AGAP2: variants seen among roughly 807,000 people sequenced by gnomAD.
AGAP2 encodes the protein arf-GAP with GTPase, ANK repeat and PH domain-containing protein 2.
Under a neutral mutation model 110.9 loss-of-function variants are expected in AGAP2, and 32 were observed. That is an observed-to-expected ratio of 0.29 (90% confidence interval 0.22 to 0.39). The LOEUF (loss-of-function observed/expected upper bound fraction) is 0.39. AGAP2 is among the 10% of genes least tolerant of loss of function. The pLI is 1.00. For missense variants in AGAP2, 1,285 were observed against 1,638.5 expected (o/e 0.78, Z 3.72); for synonymous variants, 702 against 713.0 (o/e 0.98, Z 0.25).
chr12:57,731,476 G>A lies in AGAP2; in HGVS notation c.2041-6C>T. The A allele has an allele frequency of 6.2e-7, 1 of 1,614,018 alleles. No homozygotes were observed. Among genetic ancestry groups the A allele is most frequent in the Non-Finnish European group, 8.5e-7 (1 of 1,179,916 alleles). ...CTTCGTTTTAGTAGGAAGCTCTGGA[G>A]AAAGGGGAAAGACACATGTGGGAAA... is the stretch of plus-strand genomic sequence containing the variant. On this transcript the variant is annotated splice_region_variant and splice_polypyrimidine_tract_variant and intron_variant, in intron 9 of 18. Transcript: ENST00000547588.
intron 13 of AGAP2, among the ~76,000 whole-genome samples, 186 bp downstream of exon 13, chr12:57,729,453 G>T: frequency 6.6e-6 from 1 of 151,356 alleles, no homozygotes; most frequent in East Asian, 1.9e-4. Context: ...ATTAGCTGGG[G>T]AACAAGGAAA....
upstream of AGAP2, among the ~76,000 whole-genome samples, chr12:57,741,331 A>T (rs1267585749): frequency 6.6e-6 from 1 of 152,046 alleles, no homozygotes; most frequent in Non-Finnish European, 1.5e-5. Context: ...AGGGGAGGAG[A>T]GGGGACCAAG....
rs1027621331 is a variant in AGAP2 at position 57,732,749 on chromosome 12, G to T, written c.1684+96C>A. On this transcript the variant is annotated intron_variant, in intron 6 of 18. Transcript: ENST00000547588. ...TCCCTCCCACAAAGGCTAATTTCCT[G>T]TCACTCACAGAGAGAGGCCTGGATG... The T allele has an allele frequency of 3.8e-6, 6 of 1,558,810 alleles. No homozygotes were observed. In the African/African-American group the frequency reaches 8.2e-5, roughly 21 times the overall value.
At chr12:57,727,853 G>A (rs545671853) in intron 15 of AGAP2, 82 bp from the exon 16 acceptor site, 22 of 1,594,486 alleles carry the variant, frequency 1.4e-5, no homozygotes, top group Non-Finnish European at 1.7e-5. Context: ...CCTCTCACAC[G>A]ACTTCGGCCG....
intron 3 of AGAP2, 90 bp from the exon 4 acceptor site, chr12:57,734,494 C>T (rs1238520332): frequency 6.3e-7 from 1 of 1,587,494 alleles, no homozygotes. Context: ...ATTATGGCCT[C>T]ATCCTTCCCC....
At chr12:57,735,505 T>C in intron 1 of AGAP2, 78 bp from the exon 2 acceptor site, 1 of 1,361,536 alleles carries the variant, frequency 7.3e-7, no homozygotes, top group Non-Finnish European at 1.0e-6. Context: ...CCCTCCTCCC[T>C]CTGCAGCTTT....
rs1229292357 is a variant in AGAP2, at chr12:57,737,122, G to A, written c.1125C>T (p.Ser375=). The A allele has an allele frequency of 6.4e-7, 1 of 1,566,488 alleles. No homozygotes were observed. The highest frequency in any genetic ancestry group is 8.6e-7 in the Non-Finnish European group (1 of 1,156,464). ...LPGPPSLSSG[S]GSRELLGAEL... is the part of the protein sequence containing the mutation. ...CGGCGCCCAGCAGCTCCCTGGACCC[G>A]CTGCCAGAAGACAGGCTGGGGGGTC... The change falls in exon 1 of 19, where the codon AGC becomes AGT. Residue 375 remains serine (S), a synonymous_variant. Coordinates refer to ENST00000547588, the MANE Select transcript of AGAP2 (RefSeq NM_001122772.3). The surrounding 1 kb of genome is among the most constrained non-coding windows in gnomAD (Gnocchi z 5.9).
Position 57,734,629 on chromosome 12 carries a change from G to A in AGAP2, c.1278C>T (p.Phe426=), listed in dbSNP as rs1954946732. The stretch of plus-strand genomic sequence containing the variant: ...CCAGCACCTGGTATGAGCCAGTCAG[G>A]AATCGGTGGATGAGCGATGACTTCC... The part of the protein sequence containing the change: ...RSGKSSLIHR[F]LTGSYQVLEK... Residue 426 remains phenylalanine (F), a synonymous_variant, in exon 3 of 19, where the codon TTC becomes TTT. Transcript: ENST00000547588. 6.2e-7 allele frequency: 1 copy of A among 1,614,058 alleles called. No individual in the cohort carries two copies.
chr12:57,737,085 A>T lies in AGAP2; in HGVS notation c.1162T>A (p.Ser388Thr). 6.5e-7 allele frequency: 1 copy of T among 1,533,758 alleles called. No homozygotes were observed. Among genetic ancestry groups the T allele is most frequent in the Admixed American group, 2.1e-5 (1 of 48,252 alleles). Residue 388 changes from serine (S) to threonine (T), a missense_variant, in exon 1 of 19, where the codon TCC becomes ACC. This residue lies in a region of AGAP2 where 844 missense variants were observed against 941.2 expected (regional missense o/e 0.90). Transcript: ENST00000547588. The surrounding 1 kb of genome is among the most constrained non-coding windows in gnomAD (Gnocchi z 5.9). ...AAGCCCTGACTCAACTCACTAGGGGAAGCGCGGAGCTCGGCGCCCAGCAGC... is the reference window on the plus strand; with the variant it reads ...AAGCCCTGACTCAACTCACTAGGGGTAGCGCGGAGCTCGGCGCCCAGCAGC... ...RELLGAELRA[S>T]PKAVINSQEW... is the part of the protein sequence containing the mutation.
intron 13 of AGAP2, among the ~76,000 whole-genome samples, chr12:57,729,105 G>C (rs1400979533): frequency 6.6e-6 from 1 of 150,568 alleles, no homozygotes; most frequent in Non-Finnish European, 1.5e-5. Flanking sequence ...GAACCCGGGA[G>C]GCAGAGCTTG....
At chr12:57,741,296 T>C (rs2140372358), upstream of AGAP2, among the ~76,000 whole-genome samples, 1 of 151,984 alleles carries the variant, frequency 6.6e-6, no homozygotes, top group South Asian at 2.1e-4. Context: ...GGAAGGTGTG[T>C]GGGGGGAAGA....
At chr12:57,735,281 G>T (rs1954958110) in intron 2 of AGAP2, 88 bp downstream of exon 2, 2 of 1,227,722 alleles carry the variant, frequency 1.6e-6, no homozygotes, top group Non-Finnish European at 2.4e-6. Flanking sequence ...GAGAGAGAGA[G>T]AGAGAAGGAG....
At chr12:57,728,209 G>C in intron 14 of AGAP2, 109 bp downstream of exon 14, 1 of 1,511,666 alleles carries the variant, frequency 6.6e-7, no homozygotes, top group Non-Finnish European at 9.0e-7. Flanking sequence ...GGTAGGGAAA[G>C]CAGAGGGTGG....
upstream of AGAP2, chr12:57,742,023 TGAC>T: frequency 4.3e-6 from 7 of 1,614,188 alleles, no homozygotes; most frequent in Non-Finnish European, 5.9e-6. Context: ...TCATGTCGTC[TGAC>T]TTCTGCTCTC....
At chr12:57,739,546 C>T (rs1258279484), upstream of AGAP2, among the ~76,000 whole-genome samples, 1 of 152,174 alleles carries the variant, frequency 6.6e-6, no homozygotes, top group Non-Finnish European at 1.5e-5. Flanking sequence ...AAGTCAAAGG[C>T]TCCAGCTCTA....
chr12:57,731,264 G>T, intron 10 of AGAP2, 102 bp downstream of exon 10: 2 of 1,010,006 alleles, frequency 2.0e-6, no homozygotes, highest in Non-Finnish European at 3.1e-6. Flanking sequence ...AAGAGGACTA[G>T]CACTTCCTAG....
chr12:57,731,891 C>A lies in AGAP2; in HGVS notation c.1871G>T (p.Arg624Leu). 1 of 1,612,144 alleles carries A rather than the reference C, an allele frequency of 6.2e-7. No homozygotes were observed. Among genetic ancestry groups the A allele is most frequent in the African/African-American group, 1.3e-5 (1 of 74,968 alleles). ...SSPNVGHREL[R>L]AEAAAVAGLS... Reference sequence around the variant, plus strand: ...TCCAGCCACTGCAGCTGCCTCGGCTCGGAGCTCCCGGTGACCAACATTCGG... The same window carrying A: ...TCCAGCCACTGCAGCTGCCTCGGCTAGGAGCTCCCGGTGACCAACATTCGG... The change falls in exon 8 of 19, where the codon CGA (arginine) becomes CTA (leucine). Residue 624 changes from arginine (R) to leucine (L), a missense_variant. Coordinates refer to ENST00000547588, the MANE Select transcript of AGAP2 (RefSeq NM_001122772.3).
chr12:57,729,488 C>A (rs1954842930), intron 13 of AGAP2, 151 bp downstream of exon 13: 1 of 1,130,538 alleles, frequency 8.8e-7, no homozygotes, highest in African/African-American at 1.6e-5. Context: ...GGGGGATGTC[C>A]ATCCACTCTT....
Position 57,734,316 on chromosome 12 carries a change from C to A in AGAP2, c.1401+3G>T. On this transcript the variant is annotated splice_donor_region_variant and intron_variant, in intron 4 of 18. Transcript: ENST00000547588. ...GCCTGTCCCCCACCACCTCCACCCT[C>A]ACCTTGGCATCAGGTGCCCCAGCTT... 3 of 1,614,218 alleles carry A rather than the reference C, an allele frequency of 1.9e-6. No individual in the cohort carries two copies. The highest frequency in any genetic ancestry group is 2.5e-6 in the Non-Finnish European group (3 of 1,180,030).
Sources: allele counts gnomAD v4.1 joint callset (sites outside exome capture counted in the v4.1 genomes callset), GRCh38; gene constraint gnomAD v4.1.1; regional missense constraint gnomAD v4.1.1; non-coding constraint Gnocchi (gnomAD v3.1); transcripts MANE v1.5; gene names NCBI Gene and HGNC (gene_info 2026-07-23, HGNC 2026-07-21).